TSTD2: variants seen among roughly 807,000 people sequenced by gnomAD.
The protein encoded by TSTD2 is thiosulfate sulfurtransferase/rhodanese-like domain-containing protein 2.
Under a neutral mutation model 47.9 loss-of-function variants are expected in TSTD2, and 37 were observed. That is an observed-to-expected ratio of 0.77 (90% CI 0.59 to 1.02). The LOEUF is 1.02. TSTD2 is among the 50% of genes least tolerant of loss of function. The pLI is 0.00. For synonymous variants in TSTD2, 201 were observed against 215.9 expected (o/e 0.93, Z 0.61); for missense variants, 586 against 616.0 (o/e 0.95, Z 0.52).
chr9:97,603,357 CCTTG>C (rs1469477798), intron 9 of TSTD2, among the ~76,000 whole-genome samples: 5 of 152,204 alleles, frequency 3.3e-5, no homozygotes, highest in Non-Finnish European at 7.3e-5. Flanking sequence ...CTTTTCCTTA[CCTTG>C]CTTATCTAAG....
intron 9 of TSTD2, chr9:97,602,999 CT>C (rs776606688): frequency 4.2e-4 from 181 of 426,744 alleles, no homozygotes; most frequent in African/African-American, 2.1e-3. Context: ...TATTTACTGA[CT>C]TTTTTTTTCT....
Position 97,605,543 on chromosome 9 carries a change from CA to C in TSTD2, c.1052del (p.Val351GlyfsTer2). 2.5e-6 allele frequency: 4 copies of C among 1,614,212 alleles called. No homozygotes were observed. Among genetic ancestry groups the C allele is most frequent in the Non-Finnish European group, 2.5e-6 (3 of 1,180,034 alleles). On this transcript the variant is annotated frameshift_variant, in exon 8 of 10. Transcript: ENST00000341170. LOFTEE classifies it high-confidence loss of function. Reference protein sequence around the residue: ...KNLELFREKRVLMYCTGGIRC... With the variant: ...KNLELFREKRXLMYCTGGIRC... ...GGATGCCCCCGGTACAGTACATCAG[CA>C]CTCTCTTCTCTCTGAAAAGTTCTAG...
intron 1 of TSTD2, among the ~76,000 whole-genome samples, chr9:97,628,570 A>G (rs563135205): frequency 6.6e-6 from 1 of 152,322 alleles, no homozygotes; most frequent in Non-Finnish European, 1.5e-5. Flanking sequence ...TGAATGCTGT[A>G]TTTTAAATTT....
Position 97,605,528 on chromosome 9 carries a change from G to A in TSTD2, c.1068C>T (p.Thr356=), listed in dbSNP as rs1928641. The stretch of plus-strand genomic sequence containing the variant: ...AACCCCGCTCACAGCGGATGCCCCC[G>A]GTACAGTACATCAGCACTCTCTTCT... ...FREKRVLMYC[T]GGIRCERGSA... Residue 356 remains threonine, a synonymous_variant, in exon 8 of 10, where the codon ACC becomes ACT. Transcript: ENST00000341170. The A allele has an allele frequency of 0.028, 45,698 of 1,613,838 alleles. 6,362 individuals are homozygous for A. In the African/African-American group the frequency reaches 0.37, roughly 13 times the overall value.
intron 4 of TSTD2, among the ~76,000 whole-genome samples, chr9:97,617,207 C>T (rs1017507389): frequency 1.3e-5 from 2 of 152,038 alleles, no homozygotes; most frequent in African/African-American, 4.8e-5. Flanking sequence ...GTGGGGTATG[C>T]GCCATGTGAA....
At chr9:97,612,170 T>C (rs56412432) in intron 4 of TSTD2, among the ~76,000 whole-genome samples, 1,587 of 152,350 alleles carry the variant, frequency 0.01, 27 homozygotes, top group African/African-American at 0.036. Flanking sequence ...GCTCCATCCA[T>C]GTCCCTGCAA....
At chr9:97,608,811 T>G (rs1826410377) in intron 6 of TSTD2, among the ~76,000 whole-genome samples, 1 of 152,078 alleles carries the variant, frequency 6.6e-6, no homozygotes, top group African/African-American at 2.4e-5. Flanking sequence ...GGCCCTCATC[T>G]CCCCATGCAT....
intron 2 of TSTD2, among the ~76,000 whole-genome samples, chr9:97,626,198 T>G (rs115864181): frequency 1.1e-3 from 168 of 150,886 alleles, no homozygotes; most frequent in African/African-American, 4.0e-3. Flanking sequence ...AAAACTAGGC[T>G]TTATATTGAG....
At position 97,617,864 on chromosome 9, in the gene TSTD2, C is replaced by T; in HGVS notation, c.496G>A (p.Glu166Lys). 6.2e-7 allele frequency: 1 copy of T among 1,613,828 alleles called. No homozygotes were observed. The highest frequency in any genetic ancestry group is 1.7e-4 in the Middle Eastern group (1 of 6,060). The change falls in exon 4 of 10, where the codon GAA becomes AAA. Residue 166 changes from glutamate to lysine, a missense_variant. By Grantham distance (56) the Glu-to-Lys change is moderately conservative. Transcript: ENST00000341170. ...TAATAAAGGAGCACCTCCCCTTCTTCACTGCCCTGGCCACTATAAAATGAA... is the reference window on the plus strand; with the variant it reads ...TAATAAAGGAGCACCTCCCCTTCTTTACTGCCCTGGCCACTATAAAATGAA... Reference protein sequence around the residue: ...PDELISGQGSEEGEVLLYYCY... With the variant: ...PDELISGQGSKEGEVLLYYCY...
intron 4 of TSTD2, among the ~76,000 whole-genome samples, chr9:97,616,455 AT>A (rs1259072066): frequency 4.6e-5 from 7 of 152,126 alleles, no homozygotes; most frequent in Non-Finnish European, 8.8e-5. Flanking sequence ...GCAGGCAGGG[AT>A]GGCAAGCTGA....
intron 3 of TSTD2, among the ~76,000 whole-genome samples, chr9:97,624,295 T>C (rs1032921028): frequency 4.6e-5 from 7 of 152,154 alleles, no homozygotes; most frequent in Non-Finnish European, 7.3e-5. Context: ...TCACATGCCA[T>C]GTCATGAGAG....
chr9:97,607,030 G>A lies in TSTD2; in HGVS notation c.836-769C>T, dbSNP rs554784927. ...AAATTTAAAAAATTAGCTGGCCATGGTAGTGTGTGCCTGTAGTCTCAGCTA... is the reference window on the plus strand; with the variant it reads ...AAATTTAAAAAATTAGCTGGCCATGATAGTGTGTGCCTGTAGTCTCAGCTA... On this transcript the variant is annotated intron_variant, in intron 6 of 9. Transcript: ENST00000341170. Among the ~76,000 whole-genome samples, 5 of 152,136 alleles carry A rather than the reference G, an allele frequency of 3.3e-5. No individual in the cohort carries two copies. The South Asian group carries it at 1.0e-3, about 32-fold the overall frequency.
At chr9:97,631,127 A>G (rs1038480449) in intron 1 of TSTD2, among the ~76,000 whole-genome samples, 66 of 152,122 alleles carry the variant, frequency 4.3e-4, no homozygotes, top group African/African-American at 1.5e-3. Context: ...TTCAGAAAAT[A>G]CTTTTTTTTG....
intron 9 of TSTD2, 67 bp from the exon 10 acceptor site, chr9:97,602,834 C>T: frequency 1.4e-6 from 2 of 1,474,800 alleles, no homozygotes; most frequent in Non-Finnish European, 9.2e-7. Flanking sequence ...AGGCATTGCT[C>T]CCTTTGCTGA....
Position 97,617,809 on chromosome 9 carries a change from C to G in TSTD2, c.551G>C (p.Trp184Ser), listed in dbSNP as rs1359061609. ...CAGAGCTGTCTGCCAGGCACAGATC[C>G]ATTGGGGATCCTCCAGGTCATGGTA... is the stretch of plus-strand genomic sequence containing the variant. The part of the protein sequence containing the change: ...YCYHDLEDPQ[W>S]ICAWQTALCQ... The change falls in exon 4 of 10, where the codon TGG becomes TCG. Residue 184 changes from tryptophan to serine, a missense_variant. By Grantham distance (177) the Trp-to-Ser change is radical. Transcript: ENST00000341170. The G allele has an allele frequency of 2.5e-6, 4 of 1,614,016 alleles. No homozygotes were observed. Among genetic ancestry groups the G allele is most frequent in the Non-Finnish European group, 3.4e-6 (4 of 1,180,016 alleles).
In TSTD2 at chr9:97,600,583, C is replaced by T. The variant is rs1208211643; in HGVS notation, c.*1886G>A. On this transcript the variant is annotated 3_prime_UTR_variant, in exon 10 of 10. Transcript: ENST00000341170. ...GGTAAGACACTAGAGGGATAAATTT[C>T]CAGATCAACATGGCTATGGTATTTA... 1 of 986,074 alleles carries T rather than the reference C, an allele frequency of 1.0e-6. No homozygotes were observed. Among genetic ancestry groups the T allele is most frequent in the Non-Finnish European group, 1.2e-6 (1 of 830,544 alleles). 61.1% of individuals were successfully genotyped at this position (986,074 alleles called of 1,614,324 possible).
At chr9:97,609,719 C>T (rs1826425572) in intron 6 of TSTD2, among the ~76,000 whole-genome samples, 1 of 152,188 alleles carries the variant, frequency 6.6e-6, no homozygotes, top group Admixed American at 6.5e-5. Context: ...AATGGCCTGA[C>T]ATTGGGGTTG....
intron 3 of TSTD2, among the ~76,000 whole-genome samples, chr9:97,620,076 T>TCC (rs1826605478): frequency 6.6e-6 from 1 of 152,198 alleles, no homozygotes; most frequent in South Asian, 2.1e-4. Context: ...CTTGGCTGTG[T>TCC]CCCCACCCAA....
intron 4 of TSTD2, among the ~76,000 whole-genome samples, chr9:97,616,766 T>A (rs914453427): frequency 1.3e-5 from 2 of 152,208 alleles, no homozygotes; most frequent in Non-Finnish European, 2.9e-5. Context: ...TCCTTTCGAT[T>A]TAAATTTTGA....
Sources: gnomAD v4.1 joint callset for allele counts (sites outside exome capture counted in the v4.1 genomes callset) on GRCh38, gnomAD v4.1.1 for gene constraint, MANE v1.5 for transcripts, NCBI Gene and HGNC (gene_info 2026-07-23, HGNC 2026-07-21) for gene names.